Variants in ZNG1E observed in about 807,000 individuals in gnomAD.
The protein encoded by ZNG1E is Zn regulated GTPase metalloprotein activator 1E, also known as zinc-regulated GTPase metalloprotein activator 1E.
At chr9:65,691,940 A>G in the ZNG1E span, among the ~76,000 whole-genome samples, 1 of 129,918 alleles carries the variant, frequency 7.7e-6, no homozygotes, top group Non-Finnish European at 1.6e-5. Context: ...GGGCCCCATC[A>G]TTGAGCTCTA....
chr9:65,671,658 G>T, the ZNG1E span, among the ~76,000 whole-genome samples: 2 of 152,130 alleles, frequency 1.3e-5, no homozygotes, highest in Admixed American at 6.6e-5. Context: ...GTTACTTTGG[G>T]TTACTTTTCT....
chr9:65,681,808 T>A, the ZNG1E span: 1 of 1,529,286 alleles, frequency 6.5e-7, no homozygotes, highest in South Asian at 1.3e-5. Flanking sequence ...GAAAATAAAC[T>A]TATTAGGAAG....
chr9:65,718,204 C>G, the ZNG1E span, among the ~76,000 whole-genome samples: 5 of 128,242 alleles, frequency 3.9e-5, no homozygotes, highest in African/African-American at 1.5e-4. Flanking sequence ...TAGTGACAGG[C>G]TCTCGCTACG....
chr9:65,660,426 A>G, the ZNG1E span, among the ~76,000 whole-genome samples: 2 of 151,926 alleles, frequency 1.3e-5, no homozygotes, highest in Admixed American at 1.3e-4. Context: ...ATCAGAGGAT[A>G]CTATAAAGCT....
At chr9:65,715,055 G>A in the ZNG1E span, among the ~76,000 whole-genome samples, 3 of 149,264 alleles carry the variant, frequency 2.0e-5, no homozygotes, top group South Asian at 2.1e-4. Context: ...GCGAGACTCC[G>A]TGGGCGTGGG....
chr9:65,665,171 C>T, the ZNG1E span, among the ~76,000 whole-genome samples: 430 of 152,186 alleles, frequency 2.8e-3, no homozygotes, highest in African/African-American at 9.8e-3. Flanking sequence ...ATGTTAATCC[C>T]CAAGACAATG....
chr9:65,722,697 ATT>A, the ZNG1E span, among the ~76,000 whole-genome samples: 636 of 8,082 alleles, frequency 0.079, no homozygotes, highest in East Asian at 0.11. Flanking sequence ...TGCCTAGCTA[ATT>A]TTTTTTTTTT....
chr9:65,698,945 G>T, the ZNG1E span, among the ~76,000 whole-genome samples: 3 of 143,990 alleles, frequency 2.1e-5, no homozygotes, highest in African/African-American at 7.8e-5. Flanking sequence ...TGTCACCCAG[G>T]CTGAAGTGCA....
chr9:65,668,215 A>T, the ZNG1E span, among the ~76,000 whole-genome samples: 1 of 152,040 alleles, frequency 6.6e-6, no homozygotes, highest in East Asian at 1.9e-4. Context: ...CATATACATG[A>T]GACTTAGTCT....
chr9:65,677,482 T>C, the ZNG1E span, among the ~76,000 whole-genome samples: 19 of 152,366 alleles, frequency 1.2e-4, no homozygotes, highest in South Asian at 3.9e-3. Context: ...TCTATTTTGA[T>C]GTCCTACAAC....
chr9:65,717,370 G>T, the ZNG1E span, among the ~76,000 whole-genome samples: 4 of 147,368 alleles, frequency 2.7e-5, no homozygotes, highest in South Asian at 2.2e-4. Flanking sequence ...ATTGGCTGAG[G>T]TTGTCACCTA....
At chr9:65,663,704 T>C in the ZNG1E span, among the ~76,000 whole-genome samples, 1 of 151,792 alleles carries the variant, frequency 6.6e-6, no homozygotes, top group South Asian at 2.1e-4. Flanking sequence ...TTTCAAAAGG[T>C]ATACGCAATC....
the ZNG1E span, among the ~76,000 whole-genome samples, chr9:65,687,028 CT>C: frequency 1.3e-5 from 2 of 150,530 alleles, no homozygotes; most frequent in Non-Finnish European, 3.0e-5. Context: ...CCTTCAAGAA[CT>C]TTTCCTTTGC....
At chr9:65,665,100 C>T in the ZNG1E span, among the ~76,000 whole-genome samples, 1 of 152,262 alleles carries the variant, frequency 6.6e-6, no homozygotes, top group African/African-American at 2.4e-5. Flanking sequence ...AAAGAAAATC[C>T]CATTTTCTGA....
the ZNG1E span, among the ~76,000 whole-genome samples, chr9:65,662,004 C>T: frequency 3.4e-4 from 52 of 152,346 alleles, no homozygotes; most frequent in African/African-American, 1.2e-3. Context: ...AAGTATCTCC[C>T]CATCAGGTAC....
the ZNG1E span, among the ~76,000 whole-genome samples, chr9:65,660,601 G>A: frequency 2.0e-5 from 3 of 151,934 alleles, no homozygotes; most frequent in African/African-American, 7.2e-5. Flanking sequence ...ACTTTACTAA[G>A]GCTAAATAAA....
the ZNG1E span, among the ~76,000 whole-genome samples, chr9:65,667,431 T>A: frequency 5.3e-5 from 8 of 152,274 alleles, no homozygotes; most frequent in African/African-American, 1.9e-4. Context: ...TATTAAAATA[T>A]ATTGAATTTG....
chr9:65,710,626 G>C, the ZNG1E span, among the ~76,000 whole-genome samples: 3 of 152,050 alleles, frequency 2.0e-5, no homozygotes, highest in Admixed American at 6.6e-5. Flanking sequence ...TTTCCCCACT[G>C]CTTGTTTTTC....
the ZNG1E span, among the ~76,000 whole-genome samples, chr9:65,681,358 T>C: frequency 1.3e-5 from 2 of 152,258 alleles, no homozygotes; most frequent in Admixed American, 6.5e-5. Flanking sequence ...CAGTTTAGGA[T>C]GTGTCTTTTT....
Sources: gnomAD v4.1 joint callset for allele counts (sites outside exome capture counted in the v4.1 genomes callset) on GRCh38, gnomAD v4.1.1 for gene constraint, MANE v1.5 for transcripts, NCBI Gene and HGNC (gene_info 2026-07-23, HGNC 2026-07-21) for gene names.